FER: variants seen among roughly 807,000 people sequenced by gnomAD.
FER encodes FER tyrosine kinase, also known as tyrosine-protein kinase Fer.
Under a neutral mutation model 111.0 loss-of-function variants are expected in FER, and 63 were observed. That is an observed-to-expected ratio of 0.57 (90% CI 0.46 to 0.70). FER has a LOEUF of 0.70. Ranked by LOEUF, FER falls within the 30% of genes least tolerant of loss-of-function variation. The pLI is 0.00. For synonymous variants in FER, 327 were observed against 313.9 expected, an observed-to-expected ratio of 1.04 and a Z score of -0.44; for missense variants, 914 against 954.0, an observed-to-expected ratio of 0.96 and a Z score of 0.55.
intron 17 of FER, among the ~76,000 whole-genome samples, chr5:109,153,208 G>GT (rs902345532): frequency 2.6e-4 from 33 of 127,954 alleles, no homozygotes; most frequent in African/African-American, 7.9e-4. Flanking sequence ...GGATTTTATG[G>GT]TAAAAAAAAA....
At chr5:108,765,798 G>A (rs757239344) in intron 1 of FER, among the ~76,000 whole-genome samples, 2 of 152,170 alleles carry the variant, frequency 1.3e-5, no homozygotes, top group African/African-American at 2.4e-5. Context: ...TGTCTTTGGA[G>A]TGGAATTGGA....
rs561405188 is a variant in FER, at chr5:109,173,761, C to G, written c.2049-6986C>G. On this transcript the variant is annotated intron_variant, in intron 17 of 19. Transcript: ENST00000281092. ...TAAGTGGTATAATATGTACCTCCCC[C>G]CCCCCCACAAGTAACATACATGCAT... 2.7e-4 allele frequency among the ~76,000 whole-genome samples: 39 copies of G among 146,876 alleles called. No homozygotes were observed. The East Asian group carries it at 8.0e-3, about 30-fold the overall frequency.
intron 17 of FER, among the ~76,000 whole-genome samples, chr5:109,163,459 CA>C (rs959546311): frequency 6.6e-6 from 1 of 152,118 alleles, no homozygotes; most frequent in African/African-American, 2.4e-5. Context: ...TAAGAAACTA[CA>C]AAACTGTTTT....
rs1250172543 is a variant in FER, at chr5:108,883,515, C to G, written c.1043C>G (p.Ser348Cys). ...EESSETCEKK[S>C]DIVLLLSQKQ... ...TCTTCTGAAACTTGTGAGAAGAAGT[C>G]TGAGTGAGTAAAAGAGAAACAATTT... is the stretch of plus-strand genomic sequence containing the variant. Residue 348 changes from serine (S) to cysteine (C), a missense_variant, in exon 9 of 20, where the codon TCT becomes TGT. Ser to Cys is a moderately radical substitution (Grantham distance 112). Around this residue, in one of 3 missense-constraint regions of FER, gnomAD observed 774 missense variants for 782.6 expected, o/e 0.99. Coordinates refer to ENST00000281092, the MANE Select transcript of FER (RefSeq NM_005246.4). 6 of 1,590,786 alleles carry G rather than the reference C, an allele frequency of 3.8e-6. No individual in the cohort carries two copies. Among genetic ancestry groups the G allele is most frequent in the Non-Finnish European group, 5.1e-6 (6 of 1,169,502 alleles).
At chr5:109,108,456 G>A (rs1749212606) in intron 17 of FER, among the ~76,000 whole-genome samples, 2 of 152,138 alleles carry the variant, frequency 1.3e-5, no homozygotes, top group South Asian at 2.1e-4. Context: ...TTGTTGTAGG[G>A]AGAAGAGAAT....
At chr5:108,794,526 A>ACCCCCCCCCCCCCCCCCCC (rs138716410) in intron 2 of FER, among the ~76,000 whole-genome samples, 15 of 106,346 alleles carry the variant, frequency 1.4e-4, no homozygotes, top group African/African-American at 1.5e-4. Flanking sequence ...CCCCCTCCGC[A>ACCCCCCCCCCCCCCCCCCC]CCCCCCCCCC....
intron 3 of FER, among the ~76,000 whole-genome samples, chr5:108,798,792 G>A (rs1431237899): frequency 6.6e-6 from 1 of 152,132 alleles, no homozygotes; most frequent in Non-Finnish European, 1.5e-5. Context: ...AGGCTGCAGT[G>A]AGCCGTGGGT....
chr5:109,029,470 C>T (rs1180458794), intron 13 of FER, among the ~76,000 whole-genome samples: 1 of 113,050 alleles, frequency 8.8e-6, no homozygotes, highest in Non-Finnish European at 1.7e-5. Context: ...AAGAGTCCCA[C>T]TTTGTTTCCC....
intron 10 of FER, among the ~76,000 whole-genome samples, chr5:108,927,601 A>T (rs1006399546): frequency 1.3e-5 from 2 of 152,038 alleles, no homozygotes; most frequent in Non-Finnish European, 1.5e-5. Flanking sequence ...CTTTACCCTC[A>T]TGTGAAAGTC....
chr5:108,927,252 C>CTTTTTTTTTTTTGTTTTTTTT (rs1753879594), intron 10 of FER, among the ~76,000 whole-genome samples: 1 of 95,254 alleles, frequency 1.0e-5, no homozygotes, highest in Non-Finnish European at 1.9e-5. Flanking sequence ...AGAAGTGGCT[C>CTTTTTTTTTTTTGTTTTTTTT]TTTTTTTTTT....
chr5:109,006,785 T>C (rs1765553246), intron 13 of FER, among the ~76,000 whole-genome samples: 1 of 152,134 alleles, frequency 6.6e-6, no homozygotes, highest in South Asian at 2.1e-4. Flanking sequence ...ACAAATGTCC[T>C]CTAAAATTAG....
In FER at chr5:108,808,230, G is replaced by C. The variant is rs77828066; in HGVS notation, c.207+9841G>C. 9.9e-4 allele frequency among the ~76,000 whole-genome samples: 150 copies of C among 152,044 alleles called. No homozygotes were observed. The East Asian group carries it at 0.027, about 27-fold the overall frequency. ...GCTATCAGTGGGGTGTTGTGTGGCT[G>C]TCTGTGTCTTTTTGTAGGTCTAGAT... On this transcript the variant is annotated intron_variant, in intron 3 of 19. Coordinates refer to ENST00000281092, the MANE Select transcript of FER (RefSeq NM_005246.4).
chr5:109,142,039 G>C (rs1186162305), intron 17 of FER, among the ~76,000 whole-genome samples: 1 of 152,116 alleles, frequency 6.6e-6, no homozygotes, highest in Non-Finnish European at 1.5e-5. Context: ...TGGTTTGTTA[G>C]TACCACTGAA....
intron 10 of FER, among the ~76,000 whole-genome samples, chr5:108,932,224 A>G (rs1249153046): frequency 6.6e-6 from 1 of 151,870 alleles, no homozygotes; most frequent in Non-Finnish European, 1.5e-5. Context: ...CCCTGTGTCC[A>G]TGTGTTCTCA....
chr5:109,025,526 A>T (rs1724785094), intron 13 of FER, among the ~76,000 whole-genome samples: 2 of 151,934 alleles, frequency 1.3e-5, no homozygotes, highest in Admixed American at 1.3e-4. Context: ...TTGGGCTGAG[A>T]CAATGGGGTT....
intron 17 of FER, among the ~76,000 whole-genome samples, chr5:109,175,833 G>A (rs190737994): frequency 1.7e-3 from 264 of 152,250 alleles, no homozygotes; most frequent in Middle Eastern, 0.01. Flanking sequence ...AAAAGACAAC[G>A]CCAGGTGCGG....
At chr5:109,072,817 C>A (rs538214522) in intron 16 of FER, among the ~76,000 whole-genome samples, 1 of 152,132 alleles carries the variant, frequency 6.6e-6, no homozygotes, top group South Asian at 2.1e-4. Flanking sequence ...CAAGGTGTCA[C>A]CAGGGCCATG....
At chr5:108,814,101 A>G (rs55913202) in intron 3 of FER, among the ~76,000 whole-genome samples, 3,267 of 151,938 alleles carry the variant, frequency 0.022, 112 homozygotes, top group African/African-American at 0.075. Flanking sequence ...CTTTTTTGGC[A>G]ATTACTTTTT....
intron 10 of FER, among the ~76,000 whole-genome samples, chr5:108,937,556 A>G (rs1755641718): frequency 6.6e-6 from 1 of 151,988 alleles, no homozygotes; most frequent in Non-Finnish European, 1.5e-5. Flanking sequence ...TGGAATCAGT[A>G]GAGCCTAGAA....
Sources: allele counts gnomAD v4.1 joint callset (sites outside exome capture counted in the v4.1 genomes callset), GRCh38; gene constraint gnomAD v4.1.1; regional missense constraint gnomAD v4.1.1; transcripts MANE v1.5; gene names NCBI Gene and HGNC (gene_info 2026-07-23, HGNC 2026-07-21).